The following STXBP5L variants were observed in gnomAD, a reference collection of about 807,000 sequenced individuals.
The protein encoded by STXBP5L is syntaxin binding protein 5L, also known as syntaxin-binding protein 5-like.
In STXBP5L, 65 loss-of-function variants were observed where a neutral mutation model predicts 144.5. The ratio of observed to expected loss-of-function variants is 0.45; its 90% CI spans 0.37 to 0.55. STXBP5L has a LOEUF of 0.55. STXBP5L is among the 20% of genes least tolerant of loss of function. The pLI is 0.00. For missense variants in STXBP5L, 1,298 were observed against 1,405.5 expected, an observed-to-expected ratio of 0.92 and a Z score of 1.22; for synonymous variants, 505 against 469.6, an observed-to-expected ratio of 1.08 and a Z score of -0.97.
At chr3:121,049,795 C>G (rs116570957) in intron 5 of STXBP5L, 2 of 154,318 alleles carry the variant, frequency 1.3e-5, no homozygotes, top group African/African-American at 4.8e-5. Context: ...GCTAGAGCTG[C>G]ATCTGCTGGT....
intron 20 of STXBP5L, among the ~76,000 whole-genome samples, chr3:121,319,620 G>A (rs2043902526): frequency 6.6e-6 from 1 of 151,860 alleles, no homozygotes; most frequent in South Asian, 2.1e-4. Flanking sequence ...GGTATTTATT[G>A]CCTCATACCT....
chr3:121,242,083 A>G (rs1346898902), intron 14 of STXBP5L, among the ~76,000 whole-genome samples: 1 of 152,226 alleles, frequency 6.6e-6, no homozygotes, highest in Non-Finnish European at 1.5e-5. Context: ...ATCAAAATCT[A>G]TCATTTCCAG....
At chr3:120,919,939 G>T (rs1709281853) in intron 2 of STXBP5L, among the ~76,000 whole-genome samples, 1 of 149,962 alleles carries the variant, frequency 6.7e-6, no homozygotes. Flanking sequence ...TTTTTTCCTT[G>T]TATTTCTACT....
intron 5 of STXBP5L, among the ~76,000 whole-genome samples, chr3:121,102,288 A>G (rs138141236): frequency 4.0e-3 from 612 of 152,270 alleles, no homozygotes; most frequent in Non-Finnish European, 7.5e-3. Context: ...AGCCAGACAC[A>G]TTACATTACC....
In STXBP5L at chr3:121,407,414, TAGG is replaced by T. The variant is rs2047018062; in HGVS notation, c.2762_2764del (p.Gly921del). ...AACTCATCTTCTGCATCCCAAGAAA[TAGG>T]AGATCATCAGTATACAATAATCTGC... is the stretch of plus-strand genomic sequence containing the variant. On this transcript the variant is annotated inframe_deletion, in exon 23 of 27. Coordinates refer to ENST00000471454, the MANE Select transcript of STXBP5L (RefSeq NM_001308330.2). 6.2e-7 allele frequency: 1 copy of T among 1,613,090 alleles called. No homozygotes were observed. Among genetic ancestry groups the T allele is most frequent in the Non-Finnish European group, 8.5e-7 (1 of 1,179,362 alleles).
At chr3:121,204,558 A>G (rs2108226414) in intron 9 of STXBP5L, among the ~76,000 whole-genome samples, 1 of 152,278 alleles carries the variant, frequency 6.6e-6, no homozygotes, top group South Asian at 2.1e-4. Flanking sequence ...GTTATTCTGA[A>G]GCTAATCTGA....
chr3:121,319,045 A>G (rs1025152839), intron 20 of STXBP5L, among the ~76,000 whole-genome samples: 4 of 152,300 alleles, frequency 2.6e-5, no homozygotes, highest in African/African-American at 7.2e-5. Context: ...TATATTTAAA[A>G]TGTGAGAATA....
At chr3:120,961,535 G>T (rs144061835) in intron 3 of STXBP5L, among the ~76,000 whole-genome samples, 1 of 152,010 alleles carries the variant, frequency 6.6e-6, no homozygotes, top group Non-Finnish European at 1.5e-5. Context: ...TTGGTTTTCT[G>T]TCCTTGCGAT....
intron 5 of STXBP5L, among the ~76,000 whole-genome samples, chr3:121,098,637 T>G (rs571728397): frequency 1.4e-4 from 21 of 152,154 alleles, no homozygotes; most frequent in Non-Finnish European, 1.8e-4. Flanking sequence ...AGAAATGAAG[T>G]GGCTCAGCTG....
chr3:121,250,518 T>C (rs926779671), intron 14 of STXBP5L, among the ~76,000 whole-genome samples: 15 of 152,112 alleles, frequency 9.9e-5, no homozygotes, highest in African/African-American at 2.4e-4. Flanking sequence ...TATTGTTCTT[T>C]TTCTAATCTT....
At position 121,267,609 on chromosome 3, in the gene STXBP5L, C is replaced by T. The variant is rs548693916; in HGVS notation, c.1958+8441C>T. Among the ~76,000 whole-genome samples, 4 of 152,234 alleles carry T rather than the reference C, an allele frequency of 2.6e-5. No individual in the cohort carries two copies. The East Asian group carries it at 7.7e-4, about 29-fold the overall frequency. ...TCTGCACAGCAAAAGAAACTATCAT[C>T]GGAGTGACCAGGCAACCTACACACT... On this transcript the variant is annotated intron_variant, in intron 18 of 26. Coordinates refer to ENST00000471454, the MANE Select transcript of STXBP5L (RefSeq NM_001308330.2).
intron 20 of STXBP5L, among the ~76,000 whole-genome samples, chr3:121,327,639 G>T (rs1348989486): frequency 2.0e-5 from 3 of 152,062 alleles, no homozygotes; most frequent in Non-Finnish European, 4.4e-5. Context: ...TATGTATTTT[G>T]TTTCTTTTTT....
chr3:121,367,040 C>T (rs922764225), intron 20 of STXBP5L, among the ~76,000 whole-genome samples: 4 of 152,130 alleles, frequency 2.6e-5, no homozygotes, highest in Non-Finnish European at 5.9e-5. Context: ...CAGCTTCTTT[C>T]TCACTTCTTT....
rs192324197 is a variant in STXBP5L at position 120,963,252 on chromosome 3, T to C, written c.287+8215T>C. ...ACAATTTGACTTCCTCTTTTCCCAATTGAATGCCCTTTATTTCTTTCTCTT... is the reference window on the plus strand; with the variant it reads ...ACAATTTGACTTCCTCTTTTCCCAACTGAATGCCCTTTATTTCTTTCTCTT... On this transcript the variant is annotated intron_variant, in intron 3 of 26. Transcript: ENST00000471454. Among the ~76,000 whole-genome samples the C allele has an allele frequency of 4.3e-3, 648 of 152,352 alleles. 5 individuals carry two copies. The highest frequency in any genetic ancestry group is 0.015 in the African/African-American group (617 of 41,580).
rs575024859 is a variant in STXBP5L at position 121,015,337 on chromosome 3, A to G, written c.288-26363A>G. On this transcript the variant is annotated intron_variant, in intron 3 of 26. Transcript: ENST00000471454. ...AGTTGTTACTCCCATTCTTAAAACA[A>G]TAAGATGTTGATCAGTCTTAAAATT... Among the ~76,000 whole-genome samples the G allele has an allele frequency of 2.4e-4, 37 of 152,290 alleles. No homozygotes were observed. In the South Asian group the frequency reaches 5.2e-3, roughly 21 times the overall value.
At chr3:121,396,023 C>T (rs973817732) in intron 22 of STXBP5L, among the ~76,000 whole-genome samples, 10 of 152,232 alleles carry the variant, frequency 6.6e-5, no homozygotes, top group Non-Finnish European at 1.5e-4. Flanking sequence ...GAAACACAAG[C>T]ATAACGTCTA....
intron 17 of STXBP5L, 51 bp downstream of exon 17, chr3:121,257,384 C>G (rs1381895292): frequency 6.8e-7 from 1 of 1,462,506 alleles, no homozygotes. Context: ...AATCATATGT[C>G]TTTGAAACTG....
chr3:121,098,621 G>C (rs1171455010), intron 5 of STXBP5L, among the ~76,000 whole-genome samples: 2 of 152,272 alleles, frequency 1.3e-5, no homozygotes. Flanking sequence ...CGTATTATGA[G>C]GCCAGAGAAA....
At chr3:120,935,776 CTGCGTTTTTT>C (rs1307420501) in intron 2 of STXBP5L, among the ~76,000 whole-genome samples, 1 of 149,070 alleles carries the variant, frequency 6.7e-6, no homozygotes, top group Admixed American at 6.9e-5. Flanking sequence ...TTTAGTTTTT[CTGCGTTTTTT>C]TTTAAAGATT....
Sources: gnomAD v4.1 joint callset for allele counts (sites outside exome capture counted in the v4.1 genomes callset) on GRCh38, gnomAD v4.1.1 for gene constraint, MANE v1.5 for transcripts, NCBI Gene and HGNC (gene_info 2026-07-23, HGNC 2026-07-21) for gene names.